EGFLAM: variants seen among roughly 807,000 people sequenced by gnomAD.
The protein encoded by EGFLAM is EGF like, fibronectin type III and laminin G domains.
In EGFLAM, 79 loss-of-function variants were observed where a neutral mutation model predicts 113.1. That is an observed-to-expected ratio of 0.70 (90% confidence interval 0.58 to 0.84). The LOEUF is 0.84. Among genes scored for constraint, EGFLAM ranks in the 40% least tolerant of loss-of-function variants. The probability of loss-of-function intolerance (pLI) is 0.00; values close to 1 mark genes in which losing one functional copy is unlikely to be tolerated. For missense variants in EGFLAM, 1,265 were observed against 1,291.6 expected (o/e 0.98, Z 0.32); for synonymous variants, 504 against 487.6 (o/e 1.03, Z -0.44).
In EGFLAM at chr5:38,353,298, T is replaced by C. The variant is rs145678504; in HGVS notation, c.545+967T>C. Among the ~76,000 whole-genome samples, 297 of 152,362 alleles carry C rather than the reference T, an allele frequency of 1.9e-3. 1 individual carries two copies. The highest frequency in any genetic ancestry group is 6.6e-3 in the African/African-American group (276 of 41,588). On this transcript the variant is annotated intron_variant, in intron 5 of 21. Transcript: ENST00000322350. ...AATCTAAGATATTTCCTCTGGACTC[T>C]AGTTGCTGTTTGATTTTGAATGGAA... is the stretch of plus-strand genomic sequence containing the variant.
chr5:38,268,839 T>C (rs1298116644), intron 1 of EGFLAM, among the ~76,000 whole-genome samples: 1 of 152,210 alleles, frequency 6.6e-6, no homozygotes, highest in Non-Finnish European at 1.5e-5. Context: ...ATATGTGCTA[T>C]ATGTTACTAT....
At chr5:38,445,701 T>TAGTA in intron 17 of EGFLAM, 1 of 1,598,368 alleles carries the variant, frequency 6.3e-7, no homozygotes, top group Non-Finnish European at 8.5e-7. Flanking sequence ...ACTGCCTCAA[T>TAGTA]AGTAAGTACA....
intron 5 of EGFLAM, among the ~76,000 whole-genome samples, chr5:38,362,213 G>A (rs932747647): frequency 8.5e-5 from 13 of 152,136 alleles, no homozygotes; most frequent in African/African-American, 4.8e-5. Context: ...TCAAGATGTG[G>A]TAAAGCTTCA....
chr5:38,423,765 G>A (rs1741912091), intron 12 of EGFLAM, among the ~76,000 whole-genome samples: 1 of 152,168 alleles, frequency 6.6e-6, no homozygotes, highest in Non-Finnish European at 1.5e-5. Context: ...ACCCCCAGCT[G>A]GGGAGGCAAG....
At chr5:38,456,069 C>T (rs1218608805) in intron 19 of EGFLAM, among the ~76,000 whole-genome samples, 2 of 152,164 alleles carry the variant, frequency 1.3e-5, no homozygotes, top group African/African-American at 4.8e-5. Flanking sequence ...TTTCTCCTTC[C>T]TACCAGTCCC....
chr5:38,437,978 CG>C lies in EGFLAM; in HGVS notation c.2284-294del, dbSNP rs558906845. Among the ~76,000 whole-genome samples, 275 of 152,090 alleles carry C rather than the reference CG, an allele frequency of 1.8e-3. 2 individuals are homozygous for C. Among genetic ancestry groups the C allele is most frequent in the South Asian group, 0.013 (63 of 4,808 alleles). On this transcript the variant is annotated intron_variant, in intron 16 of 21. Transcript: ENST00000322350. ...ATCTCTACTAAAAACAAAAATTAGC[CG>C]GGCGTAGTGGCGGGTGCCTGTAATT...
chr5:38,336,169 A>T (rs925334410), intron 1 of EGFLAM, among the ~76,000 whole-genome samples: 11 of 152,364 alleles, frequency 7.2e-5, no homozygotes, highest in South Asian at 2.1e-4. Flanking sequence ...GATTTTAATG[A>T]TTGTAAATAT....
chr5:38,448,526 A>G, intron 18 of EGFLAM, 147 bp downstream of exon 18: 1 of 754,428 alleles, frequency 1.3e-6, no homozygotes, highest in African/African-American at 1.7e-5. Context: ...AACACACACA[A>G]CAAGAAATAA....
At chr5:38,350,424 A>G in intron 3 of EGFLAM, 77 bp from the exon 4 acceptor site, 1 of 1,422,492 alleles carries the variant, frequency 7.0e-7, no homozygotes, top group South Asian at 1.3e-5. Flanking sequence ...CTCGAGATAT[A>G]AACCTCATGG....
intron 1 of EGFLAM, among the ~76,000 whole-genome samples, chr5:38,276,142 A>G (rs537979682): frequency 1.3e-5 from 2 of 152,140 alleles, no homozygotes; most frequent in Non-Finnish European, 2.9e-5. Flanking sequence ...TATTATATGG[A>G]TGGCGGCAGT....
chr5:38,347,515 T>TAACG (rs1225106098), intron 3 of EGFLAM, among the ~76,000 whole-genome samples: 1 of 151,918 alleles, frequency 6.6e-6, no homozygotes, highest in Non-Finnish European at 1.5e-5. Flanking sequence ...AGAAATGAGG[T>TAACG]AACGTCTCAG....
rs1269804859 is a variant in EGFLAM at position 38,385,807 on chromosome 5, G to A, written c.712+15345G>A. Among the ~76,000 whole-genome samples the A allele has an allele frequency of 4.6e-5, 7 of 152,116 alleles. No homozygotes were observed. The East Asian group carries it at 1.3e-3, about 29-fold the overall frequency. On this transcript the variant is annotated intron_variant, in intron 6 of 21. Coordinates refer to ENST00000322350, the MANE Select transcript of EGFLAM (RefSeq NM_152403.4). ...GTAATACTGAACTAAATACAGTAATGCGTTGCTTAACAACAGGGATACATT... is the reference window on the plus strand; with the variant it reads ...GTAATACTGAACTAAATACAGTAATACGTTGCTTAACAACAGGGATACATT...
chr5:38,446,960 A>G (rs776184727), intron 17 of EGFLAM, among the ~76,000 whole-genome samples: 8 of 152,248 alleles, frequency 5.3e-5, no homozygotes, highest in Admixed American at 1.3e-4. Flanking sequence ...TGCACCAACC[A>G]TGTATTTTCG....
Position 38,431,521 on chromosome 5 carries a change from A to G in EGFLAM, c.2166+233A>G, listed in dbSNP as rs1742187382. Among the ~76,000 whole-genome samples the G allele has an allele frequency of 2.0e-5, 3 of 152,324 alleles. No homozygotes were observed. The South Asian group carries it at 6.2e-4, about 32-fold the overall frequency. On this transcript the variant is annotated intron_variant, in intron 15 of 21. Transcript: ENST00000322350. ...AGTTGTGAGGATTAAATGAGTTGATACCCAATACATTTAGCACTTACAAAA... is the reference window on the plus strand; with the variant it reads ...AGTTGTGAGGATTAAATGAGTTGATGCCCAATACATTTAGCACTTACAAAA...
At chr5:38,263,019 T>G (rs893316870) in intron 1 of EGFLAM, among the ~76,000 whole-genome samples, 1 of 152,234 alleles carries the variant, frequency 6.6e-6, no homozygotes, top group African/African-American at 2.4e-5. Flanking sequence ...TTTTAGTGAT[T>G]CTATTCTAAT....
At chr5:38,421,856 G>A (rs991921312) in intron 12 of EGFLAM, among the ~76,000 whole-genome samples, 22 of 152,136 alleles carry the variant, frequency 1.4e-4, no homozygotes, top group African/African-American at 4.3e-4. Context: ...TTGTTCCAGG[G>A]GAAGAGGAAG....
rs1416550934 is a variant in EGFLAM at position 38,360,819 on chromosome 5, A to ATTATTTATTCAT, written c.545+8497_545+8498insCATTTATTTATT. ...TTCCTGGCTACAAGTGTGTTTTGAA[A>ATTATTTATTCAT]TTATTTATTTATTTATTTATTTATT... On this transcript the variant is annotated intron_variant, in intron 5 of 21. Coordinates refer to ENST00000322350, the MANE Select transcript of EGFLAM (RefSeq NM_152403.4). Among the ~76,000 whole-genome samples the ATTATTTATTCAT allele has an allele frequency of 1.9e-3, 267 of 141,898 alleles. 1 individual carries two copies. The highest frequency in any genetic ancestry group is 6.7e-3 in the African/African-American group (251 of 37,632). 93.1% of individuals were successfully genotyped at this position (141,898 alleles called of 152,430 possible).
chr5:38,333,899 T>C (rs1337081802), intron 1 of EGFLAM, among the ~76,000 whole-genome samples: 2 of 151,330 alleles, frequency 1.3e-5, no homozygotes, highest in East Asian at 3.9e-4. Flanking sequence ...ATTGTCTGTT[T>C]ATTTTTATTG....
chr5:38,432,918 C>T (rs528662449), intron 15 of EGFLAM, among the ~76,000 whole-genome samples: 1 of 152,240 alleles, frequency 6.6e-6, no homozygotes, highest in African/African-American at 2.4e-5. Context: ...TCCCTTTTGG[C>T]TTTTTTACCT....
Sources: allele counts gnomAD v4.1 joint callset (sites outside exome capture counted in the v4.1 genomes callset), GRCh38; gene constraint gnomAD v4.1.1; transcripts MANE v1.5; gene names NCBI Gene and HGNC (gene_info 2026-07-23, HGNC 2026-07-21).